BRINP3: variants seen among roughly 807,000 people sequenced by gnomAD.
BRINP3 encodes the protein BMP/retinoic acid inducible neural specific 3, also known as BMP/retinoic acid-inducible neural-specific protein 3.
A neutral mutation model predicts 71.0 loss-of-function variants in BRINP3; 19 were observed. The ratio of observed to expected loss-of-function variants is 0.27; its 90% CI spans 0.19 to 0.39. The LOEUF (loss-of-function observed/expected upper bound fraction) is 0.39, where lower values mean the gene tolerates loss of function less well. BRINP3 is among the 10% of genes least tolerant of loss of function. BRINP3 has a pLI of 1.00. For missense variants in BRINP3, 959 were observed against 940.8 expected, an observed-to-expected ratio of 1.02 and a Z score of -0.25; for synonymous variants, 380 against 337.7, an observed-to-expected ratio of 1.13 and a Z score of -1.37.
At chr1:190,334,027 G>A (rs74870135) in intron 2 of BRINP3, among the ~76,000 whole-genome samples, 2,658 of 151,878 alleles carry the variant, frequency 0.018, 88 homozygotes, top group African/African-American at 0.061. Flanking sequence ...AACGCTATAT[G>A]AGCATGCACT....
At chr1:190,164,612 A>G (rs566259491) in intron 6 of BRINP3, among the ~76,000 whole-genome samples, 1 of 152,206 alleles carries the variant, frequency 6.6e-6, no homozygotes, top group East Asian at 1.9e-4. Context: ...TTTTTTAGAG[A>G]CAAGGTTTCA....
chr1:190,122,841 T>G (rs187481422), intron 7 of BRINP3, among the ~76,000 whole-genome samples: 68 of 152,250 alleles, frequency 4.5e-4, no homozygotes, highest in Non-Finnish European at 7.9e-4. Flanking sequence ...CTTAGGCAAC[T>G]AATACAGAAA....
chr1:190,144,212 C>T (rs1655695338), intron 7 of BRINP3, among the ~76,000 whole-genome samples: 1 of 152,066 alleles, frequency 6.6e-6, no homozygotes, highest in Non-Finnish European at 1.5e-5. Flanking sequence ...TCCTCTCTTT[C>T]ACTAAACTGG....
intron 7 of BRINP3, among the ~76,000 whole-genome samples, chr1:190,129,205 A>G (rs1312848378): frequency 6.6e-6 from 1 of 151,858 alleles, no homozygotes; most frequent in Non-Finnish European, 1.5e-5. Context: ...CAGAGTGAGA[A>G]AGCTAATAAA....
At chr1:190,346,548 G>T (rs1256543436) in intron 2 of BRINP3, among the ~76,000 whole-genome samples, 1 of 152,086 alleles carries the variant, frequency 6.6e-6, no homozygotes, top group Non-Finnish European at 1.5e-5. Flanking sequence ...CAAAGGATGT[G>T]CATTTCTTGC....
chr1:190,259,615 AAAATAAATAAATAAAT>A (rs144685496), intron 4 of BRINP3, among the ~76,000 whole-genome samples: 3,033 of 140,130 alleles, frequency 0.022, 104 homozygotes, highest in African/African-American at 0.07. Flanking sequence ...AATTAGGCAA[AAAATAAATAAATAAAT>A]AAATAAATAA....
chr1:190,421,319 A>ATT (rs1558271736), intron 2 of BRINP3, among the ~76,000 whole-genome samples: 1 of 141,628 alleles, frequency 7.1e-6, no homozygotes, highest in South Asian at 2.3e-4. Flanking sequence ...TATTATTATT[A>ATT]TTATTATTGC....
chr1:190,163,859 T>C (rs1161405275), intron 6 of BRINP3, among the ~76,000 whole-genome samples: 2 of 152,108 alleles, frequency 1.3e-5, no homozygotes, highest in Non-Finnish European at 2.9e-5. Flanking sequence ...ATTTTGAAAC[T>C]AATAGCTATA....
In BRINP3 at chr1:190,358,486, C is replaced by G. The variant is rs938521933; in HGVS notation, c.237-76736G>C. 2.0e-5 allele frequency among the ~76,000 whole-genome samples: 3 copies of G among 152,082 alleles called. No individual in the cohort carries two copies. In the South Asian group the frequency reaches 6.2e-4, roughly 32 times the overall value. On this transcript the variant is annotated intron_variant, in intron 2 of 7. Transcript: ENST00000367462. ...GATAACATCTCACACCAGTTAGAAT[C>G]GCGATCATTAAAAAGTCAGGGAACA...
At chr1:190,408,213 TTTTTG>T (rs1672428850) in intron 2 of BRINP3, among the ~76,000 whole-genome samples, 2 of 100,034 alleles carry the variant, frequency 2.0e-5, no homozygotes, top group Admixed American at 2.2e-4. Flanking sequence ...ATTTTTTTTT[TTTTTG>T]TATTTTTAGT....
At chr1:190,403,740 T>G (rs1672088034) in intron 2 of BRINP3, among the ~76,000 whole-genome samples, 1 of 152,222 alleles carries the variant, frequency 6.6e-6, no homozygotes, top group Admixed American at 6.5e-5. Flanking sequence ...ATTTTGAGCT[T>G]CTTCTAGTTT....
At chr1:190,461,532 T>G (rs533354718) in intron 1 of BRINP3, among the ~76,000 whole-genome samples, 59 of 152,292 alleles carry the variant, frequency 3.9e-4, no homozygotes, top group Admixed American at 1.6e-3. Flanking sequence ...TCAATTAGAT[T>G]AATTTTGGGA....
At chr1:190,144,462 C>A (rs2102400773) in intron 7 of BRINP3, among the ~76,000 whole-genome samples, 1 of 151,766 alleles carries the variant, frequency 6.6e-6, no homozygotes, top group East Asian at 1.9e-4. Context: ...AAATTTCAAC[C>A]CATTGTGCTG....
intron 2 of BRINP3, among the ~76,000 whole-genome samples, chr1:190,343,237 G>A (rs1667786905): frequency 1.3e-5 from 2 of 151,802 alleles, no homozygotes; most frequent in East Asian, 1.9e-4. Flanking sequence ...AATAAAATGA[G>A]TTAGGTTTGA....
At chr1:190,431,350 A>T (rs933703465) in intron 2 of BRINP3, among the ~76,000 whole-genome samples, 19 of 152,010 alleles carry the variant, frequency 1.2e-4, no homozygotes, top group African/African-American at 4.3e-4. Flanking sequence ...ATTGTTTTTT[A>T]AATTTATTTT....
At chr1:190,315,488 A>T (rs2103035884) in intron 2 of BRINP3, among the ~76,000 whole-genome samples, 1 of 152,272 alleles carries the variant, frequency 6.6e-6, no homozygotes, top group South Asian at 2.1e-4. Context: ...CCAAAGCCTA[A>T]TCAAGAGACA....
intron 3 of BRINP3, among the ~76,000 whole-genome samples, chr1:190,278,872 AC>A (rs888643557): frequency 2.0e-5 from 3 of 151,716 alleles, no homozygotes; most frequent in African/African-American, 7.2e-5. Flanking sequence ...CAAAAAAAAA[AC>A]ATGCAAAACA....
intron 2 of BRINP3, among the ~76,000 whole-genome samples, chr1:190,390,412 C>A (rs1016886649): frequency 1.3e-5 from 2 of 151,708 alleles, no homozygotes; most frequent in Admixed American, 6.6e-5. Flanking sequence ...AGAGGGCAAC[C>A]TTCCCCTCTG....
At chr1:190,315,871 T>G (rs1219272382) in intron 2 of BRINP3, among the ~76,000 whole-genome samples, 1 of 152,154 alleles carries the variant, frequency 6.6e-6, no homozygotes. Flanking sequence ...CATTTCCTCT[T>G]TTTTCTAAAC....
Sources: gnomAD v4.1 joint callset for allele counts (sites outside exome capture counted in the v4.1 genomes callset) on GRCh38, gnomAD v4.1.1 for gene constraint, MANE v1.5 for transcripts, NCBI Gene and HGNC (gene_info 2026-07-23, HGNC 2026-07-21) for gene names.